The following PCDH9 variants were observed in gnomAD, a reference collection of about 807,000 sequenced individuals.
PCDH9 encodes protocadherin-9.
PCDH9 carries 24 observed loss-of-function variants against 70.6 expected under a neutral mutation model. The ratio of observed to expected loss-of-function variants is 0.34; its 90% CI spans 0.25 to 0.48. The LOEUF is 0.48. PCDH9 is among the 20% of genes least tolerant of loss of function. The pLI is 0.99. For synonymous variants in PCDH9, 562 were observed against 558.5 expected (o/e 1.01, Z -0.09); for missense variants, 1,281 against 1,503.6 (o/e 0.85, Z 2.45).
chr13:67,190,989 A>G (rs1322687948), intron 2 of PCDH9, among the ~76,000 whole-genome samples: 1 of 152,214 alleles, frequency 6.6e-6, no homozygotes, highest in East Asian at 1.9e-4. Flanking sequence ...TGATTGCACA[A>G]GAAGTTCTCA....
At chr13:66,534,835 T>A (rs1341584499) in intron 4 of PCDH9, among the ~76,000 whole-genome samples, 4 of 152,144 alleles carry the variant, frequency 2.6e-5, no homozygotes, top group Non-Finnish European at 4.4e-5. Flanking sequence ...AAACATAATC[T>A]GTTGTTAGAG....
intron 2 of PCDH9, among the ~76,000 whole-genome samples, chr13:67,063,675 T>C (rs948360383): frequency 6.6e-6 from 1 of 152,184 alleles, no homozygotes; most frequent in African/African-American, 2.4e-5. Flanking sequence ...GTTTCATGCA[T>C]AGAGCCATTT....
intron 2 of PCDH9, among the ~76,000 whole-genome samples, chr13:67,133,211 C>T (rs1405744198): frequency 6.6e-6 from 1 of 151,998 alleles, no homozygotes; most frequent in East Asian, 1.9e-4. Flanking sequence ...ATATCTATGA[C>T]AAAAGAAGGG....
chr13:66,320,262 T>A (rs906246398), intron 4 of PCDH9, among the ~76,000 whole-genome samples: 1 of 152,096 alleles, frequency 6.6e-6, no homozygotes, highest in South Asian at 2.1e-4. Context: ...CTTTTTGATT[T>A]CATGCTGTAA....
intron 3 of PCDH9, among the ~76,000 whole-genome samples, chr13:66,896,842 T>G (rs979802295): frequency 5.3e-5 from 8 of 152,260 alleles, no homozygotes; most frequent in Non-Finnish European, 4.4e-5. Flanking sequence ...TCCTTAAAAT[T>G]TGGATGTCCT....
intron 4 of PCDH9, among the ~76,000 whole-genome samples, chr13:66,626,641 T>A (rs2077502594): frequency 6.6e-6 from 1 of 152,158 alleles, no homozygotes; most frequent in Non-Finnish European, 1.5e-5. Context: ...AATTAGACAT[T>A]TTTAAAAAAT....
chr13:66,694,041 C>T (rs566491191), intron 3 of PCDH9, among the ~76,000 whole-genome samples: 7 of 152,160 alleles, frequency 4.6e-5, no homozygotes, highest in Admixed American at 2.0e-4. Flanking sequence ...ATAGGGATAT[C>T]CCAGCTGAGA....
chr13:66,600,291 C>T (rs1224313296), intron 4 of PCDH9, among the ~76,000 whole-genome samples: 1 of 151,860 alleles, frequency 6.6e-6, no homozygotes, highest in East Asian at 1.9e-4. Flanking sequence ...CTGCAGAATT[C>T]ATTGTAAGAC....
intron 4 of PCDH9, among the ~76,000 whole-genome samples, chr13:66,538,816 C>T (rs975135126): frequency 9.2e-5 from 14 of 152,030 alleles, no homozygotes; most frequent in Non-Finnish European, 1.5e-4. Flanking sequence ...AAGACCATTA[C>T]AGGTTTGGGA....
At chr13:66,716,984 G>GT (rs778017744) in intron 3 of PCDH9, among the ~76,000 whole-genome samples, 10 of 151,998 alleles carry the variant, frequency 6.6e-5, no homozygotes, top group Non-Finnish European at 1.5e-4. Flanking sequence ...TCCTAGTTTG[G>GT]TTAAATATGG....
intron 2 of PCDH9, among the ~76,000 whole-genome samples, chr13:67,003,824 A>G (rs954629856): frequency 7.2e-5 from 11 of 152,208 alleles, no homozygotes; most frequent in African/African-American, 2.4e-4. Flanking sequence ...CCTCGTTATT[A>G]GAGATAGCAC....
At chr13:67,171,782 A>G (rs75459113) in intron 2 of PCDH9, among the ~76,000 whole-genome samples, 9,851 of 152,200 alleles carry the variant, frequency 0.065, 476 homozygotes, top group African/African-American at 0.12. Flanking sequence ...TAGTGATTAT[A>G]ATACTTTCCT....
At chr13:66,493,541 T>A (rs1410215750) in intron 4 of PCDH9, among the ~76,000 whole-genome samples, 2 of 152,130 alleles carry the variant, frequency 1.3e-5, no homozygotes, top group Non-Finnish European at 2.9e-5. Context: ...AAAATTATTT[T>A]AAACCATGAA....
intron 3 of PCDH9, among the ~76,000 whole-genome samples, chr13:66,849,751 G>A (rs2081679689): frequency 6.6e-6 from 1 of 152,128 alleles, no homozygotes; most frequent in South Asian, 2.1e-4. Context: ...TGAGAAATGA[G>A]ATTGGAAGAA....
intron 2 of PCDH9, among the ~76,000 whole-genome samples, chr13:66,932,667 T>TAC (rs1445027649): frequency 1.4e-5 from 2 of 142,274 alleles, no homozygotes; most frequent in African/African-American, 5.7e-5. Context: ...CACATATATA[T>TAC]ATATATATAT....
chr13:66,406,352 T>C (rs567396414), intron 4 of PCDH9, among the ~76,000 whole-genome samples: 1 of 152,304 alleles, frequency 6.6e-6, no homozygotes, highest in Admixed American at 6.5e-5. Flanking sequence ...CCAGAATTGC[T>C]GGGAAGTTTG....
chr13:66,493,675 A>C (rs1442412646), intron 4 of PCDH9, among the ~76,000 whole-genome samples: 1 of 152,170 alleles, frequency 6.6e-6, no homozygotes, highest in Non-Finnish European at 1.5e-5. Flanking sequence ...GTTATCATGG[A>C]AACTATGTAC....
chr13:67,113,557 T>C (rs1450561617), intron 2 of PCDH9, among the ~76,000 whole-genome samples: 1 of 152,146 alleles, frequency 6.6e-6, no homozygotes, highest in Non-Finnish European at 1.5e-5. Flanking sequence ...AAATCATGTT[T>C]TTTTTTTTGA....
At chr13:66,470,700 A>G (rs900936056) in intron 4 of PCDH9, among the ~76,000 whole-genome samples, 3 of 151,564 alleles carry the variant, frequency 2.0e-5, no homozygotes, top group African/African-American at 4.8e-5. Flanking sequence ...AACATTGTAC[A>G]GAACAGACAT....
Sources: gnomAD v4.1 joint callset for allele counts (sites outside exome capture counted in the v4.1 genomes callset) on GRCh38, gnomAD v4.1.1 for gene constraint, MANE v1.5 for transcripts, NCBI Gene and HGNC (gene_info 2026-07-23, HGNC 2026-07-21) for gene names.